CDH4: variants seen among roughly 807,000 people sequenced by gnomAD.
The protein encoded by CDH4 is cadherin-4.
A neutral mutation model predicts 86.0 loss-of-function variants in CDH4; 33 were observed. The ratio of observed to expected loss-of-function variants is 0.38; its 90% CI spans 0.29 to 0.51. The LOEUF is 0.51. CDH4 is among the 20% of genes least tolerant of loss of function. CDH4 has a pLI of 0.86. For synonymous variants in CDH4, 555 were observed against 549.4 expected (o/e 1.01, Z -0.14); for missense variants, 1,114 against 1,307.4 (o/e 0.85, Z 2.28).
At position 61,829,506 on chromosome 20, in the gene CDH4, T is replaced by C. The variant is rs1258444805; in HGVS notation, c.577-15162T>C. Among the ~76,000 whole-genome samples the C allele has an allele frequency of 6.6e-6, 1 of 152,210 alleles. No individual in the cohort carries two copies. The highest frequency in any genetic ancestry group is 6.5e-5 in the Admixed American group (1 of 15,282). ...GACAGATGTTGATTCTTAGGGTGTCTGCCCAGCAGTGGGATTGCTGGGTCA... is the reference window on the plus strand; with the variant it reads ...GACAGATGTTGATTCTTAGGGTGTCCGCCCAGCAGTGGGATTGCTGGGTCA... On this transcript the variant is annotated intron_variant, in intron 4 of 15. Transcript: ENST00000614565. The surrounding 1 kb of genome is among the most constrained non-coding windows in gnomAD (Gnocchi z 4.2).
intron 2 of CDH4, among the ~76,000 whole-genome samples, chr20:61,595,769 G>A (rs1019415426): frequency 1.3e-5 from 2 of 152,204 alleles, no homozygotes; most frequent in Admixed American, 6.5e-5. Flanking sequence ...TGGGCCACTG[G>A]ATGAATTTGT....
rs546415127 is a variant in CDH4 at position 61,616,209 on chromosome 20, C to G, written c.170-127354C>G. On this transcript the variant is annotated intron_variant, in intron 2 of 15. Coordinates refer to ENST00000614565, the MANE Select transcript of CDH4 (RefSeq NM_001794.5). The stretch of plus-strand genomic sequence containing the variant: ...GCACTGCCGTCTCTGACCAGAAAGG[C>G]CGTGACAGGGGAGGTCCCATTTGCA... Among the ~76,000 whole-genome samples the G allele has an allele frequency of 3.3e-5, 5 of 152,346 alleles. No individual in the cohort carries two copies. In the South Asian group the frequency reaches 1.0e-3, roughly 32 times the overall value.
At chr20:61,437,209 A>C (rs999630648) in intron 2 of CDH4, 2 of 152,288 alleles carry the variant, frequency 1.3e-5, no homozygotes, top group African/African-American at 4.8e-5. Flanking sequence ...GCCTTTCTCA[A>C]CTGCTTTTCA....
intron 11 of CDH4, 127 bp from the exon 12 acceptor site, chr20:61,928,063 G>A (rs766884556): frequency 1.3e-5 from 10 of 771,636 alleles, no homozygotes; most frequent in Admixed American, 1.3e-4. Context: ...GTGTCCGGCT[G>A]GGGGTCTGCA....
At chr20:61,441,281 G>T (rs1312500116) in intron 2 of CDH4, among the ~76,000 whole-genome samples, 1 of 152,202 alleles carries the variant, frequency 6.6e-6, no homozygotes, top group African/African-American at 2.4e-5. Flanking sequence ...GTTTCAGAAG[G>T]AAAGGAAGCG....
intron 2 of CDH4, among the ~76,000 whole-genome samples, chr20:61,608,462 C>T (rs1568710783): frequency 6.6e-6 from 1 of 152,180 alleles, no homozygotes; most frequent in Non-Finnish European, 1.5e-5. Context: ...GGCCCTGCAG[C>T]CTAGAGTCGT....
At chr20:61,823,825 A>G (rs545674637) in intron 4 of CDH4, among the ~76,000 whole-genome samples, 63 of 152,360 alleles carry the variant, frequency 4.1e-4, no homozygotes, top group African/African-American at 1.3e-3. Context: ...AAAATAACAC[A>G]TGCTATTCTC....
chr20:61,572,727 C>T (rs1164563245), intron 2 of CDH4, among the ~76,000 whole-genome samples: 6 of 152,222 alleles, frequency 3.9e-5, no homozygotes, highest in Admixed American at 1.3e-4. Context: ...TCCTTCTCAG[C>T]TTAGCATTGA....
At chr20:61,626,294 C>A (rs947420019) in intron 2 of CDH4, among the ~76,000 whole-genome samples, 1 of 152,128 alleles carries the variant, frequency 6.6e-6, no homozygotes, top group Non-Finnish European at 1.5e-5. Context: ...TGGAGGCGAC[C>A]TCTGCACCCT....
At chr20:61,666,397 A>T (rs561887153) in intron 2 of CDH4, among the ~76,000 whole-genome samples, 1 of 152,320 alleles carries the variant, frequency 6.6e-6, no homozygotes, top group East Asian at 1.9e-4. Context: ...TGCAGCCCGA[A>T]GAAATCCACT....
At chr20:61,897,359 G>A (rs938615438) in intron 8 of CDH4, among the ~76,000 whole-genome samples, 1 of 152,110 alleles carries the variant, frequency 6.6e-6, no homozygotes, top group Non-Finnish European at 1.5e-5. Flanking sequence ...GGGAGGCCAA[G>A]GCAGAGGCCC....
In CDH4 at chr20:61,676,396, C is replaced by T. The variant is rs532933703; in HGVS notation, c.170-67167C>T. Among the ~76,000 whole-genome samples, 1 of 152,292 alleles carries T rather than the reference C, an allele frequency of 6.6e-6. No homozygotes were observed. The highest frequency in any genetic ancestry group is 1.9e-4 in the East Asian group (1 of 5,166). On this transcript the variant is annotated intron_variant, in intron 2 of 15. Transcript: ENST00000614565. The surrounding 1 kb of genome is among the most constrained non-coding windows in gnomAD (Gnocchi z 4.5). ...TTCCAATTTGGATCTTCCAAGGCATCCATCTTTACCTGAAAAAGAAGGTGG... is the reference window on the plus strand; with the variant it reads ...TTCCAATTTGGATCTTCCAAGGCATTCATCTTTACCTGAAAAAGAAGGTGG...
intron 2 of CDH4, among the ~76,000 whole-genome samples, chr20:61,737,305 G>C (rs2088277444): frequency 6.6e-6 from 1 of 152,110 alleles, no homozygotes; most frequent in Non-Finnish European, 1.5e-5. Context: ...CAGCGGTATG[G>C]GGCCAGGTTG....
At chr20:61,665,523 T>A (rs912896886) in intron 2 of CDH4, among the ~76,000 whole-genome samples, 1 of 152,198 alleles carries the variant, frequency 6.6e-6, no homozygotes, top group Non-Finnish European at 1.5e-5. Context: ...GGGTTCTCCC[T>A]TTTCGGAGAG....
chr20:61,870,472 C>T lies in CDH4; in HGVS notation c.878-3256C>T, dbSNP rs919150876. ...TTCAGTGAGTACAACAGACAGTGCC[C>T]GATCCCTTCTTCCCTCACTGGTCAG... On this transcript the variant is annotated intron_variant, in intron 6 of 15. Coordinates refer to ENST00000614565, the MANE Select transcript of CDH4 (RefSeq NM_001794.5). Among the ~76,000 whole-genome samples the T allele has an allele frequency of 5.3e-5, 8 of 152,234 alleles. No individual in the cohort carries two copies. In the East Asian group the frequency reaches 5.8e-4, roughly 11 times the overall value.
intron 2 of CDH4, chr20:61,718,275 G>A (rs911980660): frequency 6.1e-6 from 1 of 162,950 alleles, no homozygotes; most frequent in Non-Finnish European, 1.4e-5. Flanking sequence ...GCCCAAACCT[G>A]CCCTTCTCGG....
intron 2 of CDH4, among the ~76,000 whole-genome samples, chr20:61,583,464 G>A (rs1280555858): frequency 6.6e-6 from 1 of 152,144 alleles, no homozygotes; most frequent in African/African-American, 2.4e-5. Flanking sequence ...CACGCGTTCT[G>A]TGCAGACCAT....
chr20:61,513,837 C>T (rs1441273711), intron 2 of CDH4, among the ~76,000 whole-genome samples: 1 of 152,182 alleles, frequency 6.6e-6, no homozygotes, highest in Admixed American at 6.5e-5. Context: ...ATCTGAGCCC[C>T]ACAGCATCTT....
Position 61,939,060 on chromosome 20 carries a change from G to C in CDH4, c.*2117G>C, listed in dbSNP as rs564066750. The C allele has an allele frequency of 2.0e-5, 3 of 152,560 alleles. No homozygotes were observed. Among genetic ancestry groups the C allele is most frequent in the Middle Eastern group, 3.4e-3 (1 of 296 alleles). 9.5% of individuals were successfully genotyped at this position (152,560 alleles called of 1,614,324 possible). ...TGCAAACAAGAATGCTCCTGTGTGG[G>C]GGGGCATGGCCGTTGGAGGTATAGC... On this transcript the variant is annotated 3_prime_UTR_variant, in exon 16 of 16. Transcript: ENST00000614565.
Sources: allele counts gnomAD v4.1 joint callset (sites outside exome capture counted in the v4.1 genomes callset), GRCh38; gene constraint gnomAD v4.1.1; non-coding constraint Gnocchi (gnomAD v3.1); transcripts MANE v1.5; gene names NCBI Gene and HGNC (gene_info 2026-07-23, HGNC 2026-07-21).